Variants in PLD5 observed in about 807,000 individuals in gnomAD.
The protein encoded by PLD5 is phospholipase D family member 5.
PLD5 carries 36 observed loss-of-function variants against 61.1 expected under a neutral mutation model. That is an observed-to-expected ratio of 0.59 (90% CI 0.45 to 0.78). PLD5 has a LOEUF of 0.78. Among genes scored for constraint, PLD5 ranks in the 30% least tolerant of loss-of-function variants. The pLI, the probability that PLD5 is intolerant of heterozygous loss-of-function variation, is 0.00. For synonymous variants in PLD5, 243 were observed against 242.8 expected, an observed-to-expected ratio of 1.00 and a Z score of -0.01; for missense variants, 515 against 644.4, an observed-to-expected ratio of 0.80 and a Z score of 2.17.
At chr1:242,427,518 A>G (rs1024812907) in intron 1 of PLD5, among the ~76,000 whole-genome samples, 2 of 152,206 alleles carry the variant, frequency 1.3e-5, no homozygotes, top group South Asian at 2.1e-4. Context: ...GAAAAGCACA[A>G]TGGTGGCAGA....
At chr1:242,343,529 A>T (rs1326485205) in intron 2 of PLD5, among the ~76,000 whole-genome samples, 27 of 151,150 alleles carry the variant, frequency 1.8e-4, no homozygotes, top group Admixed American at 7.3e-4. Flanking sequence ...TCTGCAGACC[A>T]GTGGATTTTC....
In PLD5 at chr1:242,089,815, T is replaced by C. The variant is rs745923980; in HGVS notation, c.*39A>G. 4.4e-6 allele frequency: 7 copies of C among 1,608,756 alleles called. No homozygotes were observed. The East Asian group carries it at 1.3e-4, about 31-fold the overall frequency. On this transcript the variant is annotated 3_prime_UTR_variant, in exon 10 of 10. Transcript: ENST00000536534. ...TCTCCTCAAGTCCTTTATGTATAAA[T>C]ATGAAATACAGAGCTGTCCTGTCAG...
chr1:242,381,088 C>T (rs12562021), intron 1 of PLD5, among the ~76,000 whole-genome samples: 26,993 of 152,138 alleles, frequency 0.18, 3,061 homozygotes, highest in East Asian at 0.37. Context: ...ATTATAAAGA[C>T]ACATGCATGC....
chr1:242,374,206 T>A (rs1438685291), intron 1 of PLD5, among the ~76,000 whole-genome samples: 3 of 152,170 alleles, frequency 2.0e-5, no homozygotes, highest in Admixed American at 2.0e-4. Flanking sequence ...ATATTTATTA[T>A]GCCCTCAAAA....
At chr1:242,386,581 G>A (rs1312671017) in intron 1 of PLD5, among the ~76,000 whole-genome samples, 1 of 152,108 alleles carries the variant, frequency 6.6e-6, no homozygotes, top group Non-Finnish European at 1.5e-5. Context: ...GTCATATTCA[G>A]ACAAATTCAG....
At chr1:242,098,621 G>A (rs1574289663) in intron 9 of PLD5, among the ~76,000 whole-genome samples, 3 of 152,340 alleles carry the variant, frequency 2.0e-5, no homozygotes. Flanking sequence ...TTCCTTTGGA[G>A]GAGGAGAGGT....
chr1:242,171,236 A>G (rs1016424931), intron 5 of PLD5, among the ~76,000 whole-genome samples: 4 of 152,316 alleles, frequency 2.6e-5, no homozygotes, highest in African/African-American at 9.6e-5. Context: ...GCCAATATTC[A>G]ACATTCTTAA....
intron 5 of PLD5, chr1:242,192,167 T>C (rs1668326853): frequency 6.6e-6 from 1 of 152,308 alleles, no homozygotes; most frequent in Admixed American, 6.5e-5. Flanking sequence ...ATCCTTCTAA[T>C]TAAAATATCT....
intron 5 of PLD5, among the ~76,000 whole-genome samples, chr1:242,217,918 G>T (rs1236357734): frequency 1.3e-5 from 2 of 152,216 alleles, no homozygotes; most frequent in East Asian, 3.8e-4. Flanking sequence ...TGAATATGCT[G>T]TGAACATTGT....
intron 2 of PLD5, among the ~76,000 whole-genome samples, chr1:242,291,578 G>A (rs1399871446): frequency 3.9e-5 from 6 of 152,034 alleles, no homozygotes; most frequent in Admixed American, 6.6e-5. Context: ...AGGCCGAGGC[G>A]GGCGGATCAT....
chr1:242,194,579 T>TATCC (rs1311333676), intron 5 of PLD5, among the ~76,000 whole-genome samples: 1 of 68,420 alleles, frequency 1.5e-5, no homozygotes, highest in African/African-American at 7.4e-5. Context: ...TCTATCTATC[T>TATCC]ATCTATCTAT....
intron 1 of PLD5, among the ~76,000 whole-genome samples, chr1:242,441,390 AAC>A (rs1666267470): frequency 6.6e-6 from 1 of 152,062 alleles, no homozygotes; most frequent in South Asian, 2.1e-4. Context: ...ATATAAAACC[AAC>A]AGTTATTAGC....
intron 1 of PLD5, among the ~76,000 whole-genome samples, chr1:242,509,614 C>T (rs1433682087): frequency 1.3e-5 from 2 of 152,180 alleles, no homozygotes; most frequent in South Asian, 2.1e-4. Context: ...GTAAAGCTCT[C>T]CTTTTCATAA....
At chr1:242,152,203 C>G (rs961083602) in intron 5 of PLD5, among the ~76,000 whole-genome samples, 2 of 152,074 alleles carry the variant, frequency 1.3e-5, no homozygotes, top group South Asian at 4.2e-4. Flanking sequence ...CCTTCCCTGT[C>G]GCATGGCCTC....
intron 8 of PLD5, among the ~76,000 whole-genome samples, chr1:242,105,079 A>C (rs1235378522): frequency 6.6e-6 from 1 of 152,134 alleles, no homozygotes; most frequent in East Asian, 1.9e-4. Context: ...GAGAGATGAA[A>C]ACTCATGTTA....
intron 5 of PLD5, among the ~76,000 whole-genome samples, chr1:242,164,682 A>G (rs1325381756): frequency 6.6e-6 from 1 of 152,204 alleles, no homozygotes; most frequent in Non-Finnish European, 1.5e-5. Context: ...TCCCACGTCT[A>G]CATTACCCCA....
intron 4 of PLD5, among the ~76,000 whole-genome samples, chr1:242,238,102 C>T (rs2149052675): frequency 6.6e-6 from 1 of 152,234 alleles, no homozygotes; most frequent in Admixed American, 6.5e-5. Context: ...TTTCTGTCTT[C>T]TGATTGGACA....
chr1:242,330,032 A>T (rs79020191), intron 2 of PLD5, among the ~76,000 whole-genome samples: 3 of 152,134 alleles, frequency 2.0e-5, no homozygotes, highest in East Asian at 3.9e-4. Flanking sequence ...CAGTTTTTTT[A>T]AAATGTGGAT....
chr1:242,530,500 T>C, the PLD5 span, among the ~76,000 whole-genome samples: 1 of 152,176 alleles, frequency 6.6e-6, no homozygotes, highest in African/African-American at 2.4e-5. Context: ...TCAGTGTAGA[T>C]GGATTAGGTT....
Sources: allele counts gnomAD v4.1 joint callset (sites outside exome capture counted in the v4.1 genomes callset), GRCh38; gene constraint gnomAD v4.1.1; transcripts MANE v1.5; gene names NCBI Gene and HGNC (gene_info 2026-07-23, HGNC 2026-07-21).